Variants in THSD1 observed in about 807,000 individuals in gnomAD.
The protein encoded by THSD1 is thrombospondin type-1 domain-containing protein 1.
THSD1 carries 34 observed loss-of-function variants against 46.3 expected under a neutral mutation model. The ratio of observed to expected loss-of-function variants is 0.74; its 90% CI spans 0.56 to 0.98. The LOEUF is 0.98. THSD1 is among the 50% of genes least tolerant of loss of function. THSD1 has a pLI of 0.00. For missense variants in THSD1, 1,023 were observed against 1,058.3 expected (o/e 0.97, Z 0.46); for synonymous variants, 407 against 416.5 (o/e 0.98, Z 0.28).
At chr13:52,394,660 C>G (rs1250577660) in intron 3 of THSD1, among the ~76,000 whole-genome samples, 1 of 151,898 alleles carries the variant, frequency 6.6e-6, no homozygotes, top group Non-Finnish European at 1.5e-5. Flanking sequence ...TTCTTTCAAC[C>G]TAATTGTTTT....
At chr13:52,394,984 A>C (rs1957801048) in intron 3 of THSD1, among the ~76,000 whole-genome samples, 1 of 152,170 alleles carries the variant, frequency 6.6e-6, no homozygotes, top group African/African-American at 2.4e-5. Flanking sequence ...AGAGTAACCC[A>C]AGTGGAGACT....
In THSD1 at chr13:52,397,661, G is replaced by A; in HGVS notation, c.592C>T (p.Gln198Ter). Residue 198 changes from glutamine to a stop codon, truncating the protein, a stop_gained, in exon 3 of 5, where the codon CAA becomes TAA. Coordinates refer to ENST00000258613, the MANE Select transcript of THSD1 (RefSeq NM_018676.4). LOFTEE classifies it high-confidence loss of function. ...IRTSKRTELA[Q>*]GQWVEFGCAP... is the part of the protein sequence containing the mutation. Reference sequence around the variant, plus strand: ...CAGCCAAACTCAACCCACTGACCTTGAGCAAGTTCTGTCCTTTTGCTGGTT... The same window carrying A: ...CAGCCAAACTCAACCCACTGACCTTAAGCAAGTTCTGTCCTTTTGCTGGTT... 1.9e-6 allele frequency: 3 copies of A among 1,614,208 alleles called. No individual in the cohort carries two copies. The highest frequency in any genetic ancestry group is 2.5e-6 in the Non-Finnish European group (3 of 1,180,046).
At chr13:52,380,250 C>G (rs1303166433) in intron 4 of THSD1, among the ~76,000 whole-genome samples, 2 of 152,136 alleles carry the variant, frequency 1.3e-5, no homozygotes, top group African/African-American at 4.8e-5. Context: ...CTCTCTTTCC[C>G]CTTTGGTCAC....
chr13:52,387,747 T>C (rs909754736), intron 3 of THSD1, among the ~76,000 whole-genome samples: 1 of 151,882 alleles, frequency 6.6e-6, no homozygotes, highest in African/African-American at 2.4e-5. Flanking sequence ...TGAATACAAG[T>C]AAATAGAAAT....
intron 4 of THSD1, 110 bp downstream of exon 4, chr13:52,385,915 TTAA>T (rs1957727086): frequency 3.2e-6 from 3 of 928,822 alleles, no homozygotes; most frequent in African/African-American, 3.3e-5. Flanking sequence ...TCACAGAGCA[TTAA>T]TGAGTCTACT....
chr13:52,380,512 T>A (rs528520870), intron 4 of THSD1, among the ~76,000 whole-genome samples: 2 of 137,026 alleles, frequency 1.5e-5, no homozygotes, highest in African/African-American at 5.6e-5. Context: ...TTTCTTTTCC[T>A]TTTTTTTTTT....
intron 2 of THSD1, among the ~76,000 whole-genome samples, chr13:52,401,362 C>T (rs967644840): frequency 6.7e-6 from 1 of 150,080 alleles, no homozygotes; most frequent in Non-Finnish European, 1.5e-5. Flanking sequence ...TGCAGTGGTG[C>T]GATCTCGGCT....
chr13:52,396,765 C>A (rs9536060), intron 3 of THSD1, among the ~76,000 whole-genome samples: 2 of 152,038 alleles, frequency 1.3e-5, no homozygotes, highest in African/African-American at 4.8e-5. Context: ...TAAAAAGGCC[C>A]CATTCCTATA....
intron 4 of THSD1, among the ~76,000 whole-genome samples, chr13:52,385,633 T>C (rs142458445): frequency 3.2e-3 from 484 of 152,112 alleles, no homozygotes; most frequent in Non-Finnish European, 5.2e-3. Context: ...TCTGGGTTGA[T>C]AGGGAGAAAA....
intron 3 of THSD1, among the ~76,000 whole-genome samples, chr13:52,394,506 CA>C (rs1184803125): frequency 6.6e-6 from 1 of 151,712 alleles, no homozygotes; most frequent in African/African-American, 2.4e-5. Context: ...CCCAGCTACT[CA>C]GGAGGCTGAG....
chr13:52,379,152 G>A (rs1471295271), intron 4 of THSD1, among the ~76,000 whole-genome samples: 1 of 152,120 alleles, frequency 6.6e-6, no homozygotes, highest in Non-Finnish European at 1.5e-5. Context: ...GTTAGCCACT[G>A]TGCCCAGCCC....
At position 52,401,030 on chromosome 13, in the gene THSD1, A is replaced by G. The variant is rs1048999392; in HGVS notation, c.58+1513T>C. Among the ~76,000 whole-genome samples, 4 of 152,128 alleles carry G rather than the reference A, an allele frequency of 2.6e-5. No homozygotes were observed. In the East Asian group the frequency reaches 7.7e-4, roughly 29 times the overall value. The stretch of plus-strand genomic sequence containing the variant: ...GCTCTTGTTGCCCAGGCTGGAGTGC[A>G]GTGGCATGATCTCGGCTCACCACAA... On this transcript the variant is annotated intron_variant, in intron 2 of 4. Coordinates refer to ENST00000258613, the MANE Select transcript of THSD1 (RefSeq NM_018676.4).
rs1467488042 is a variant in THSD1 at position 52,384,453 on chromosome 13, CT to C, written c.1180+1574del. 2.0e-5 allele frequency: 9 copies of C among 455,778 alleles called. No individual in the cohort carries two copies. In the East Asian group the frequency reaches 6.3e-4, roughly 32 times the overall value. The allele number at this position is 455,778 out of a possible 1,614,324, so 28.2% of individuals were successfully genotyped here. On this transcript the variant is annotated intron_variant, in intron 4 of 4. Transcript: ENST00000258613. ...CAATGTGGAAATAAGAATATGCCTA[CT>C]TTATGTGTGCAAGGTCCTTAGAAAA...
At chr13:52,382,570 A>G (rs1426264099) in intron 4 of THSD1, among the ~76,000 whole-genome samples, 1 of 152,006 alleles carries the variant, frequency 6.6e-6, no homozygotes, top group Non-Finnish European at 1.5e-5. Context: ...TCATCCAGAC[A>G]CACTAAACTA....
chr13:52,404,295 T>C lies in THSD1; in HGVS notation c.-81-1614A>G, dbSNP rs535711864. Among the ~76,000 whole-genome samples the C allele has an allele frequency of 6.6e-5, 10 of 152,280 alleles. No individual in the cohort carries two copies. In the East Asian group the frequency reaches 7.7e-4, roughly 12 times the overall value. On this transcript the variant is annotated intron_variant, in intron 1 of 4. Coordinates refer to ENST00000258613, the MANE Select transcript of THSD1 (RefSeq NM_018676.4). Reference sequence around the variant, plus strand: ...AGTATATTATATTCCAAATACATGTTACATCTTTTCAGATAAGAGCACAAA... The same window carrying C: ...AGTATATTATATTCCAAATACATGTCACATCTTTTCAGATAAGAGCACAAA...
rs1017135989 is a variant in THSD1 at position 52,402,832 on chromosome 13, CTTATAA to C, written c.-81-157_-81-152del. On this transcript the variant is annotated intron_variant, in intron 1 of 4. Coordinates refer to ENST00000258613, the MANE Select transcript of THSD1 (RefSeq NM_018676.4). ...ACACTAATTTTCCCTGGGGCAATGACTTATAATTATACAAGCCTTTTTCATTCCATT... is the reference window on the plus strand; with the variant it reads ...ACACTAATTTTCCCTGGGGCAATGACTTATACAAGCCTTTTTCATTCCATT... The C allele has an allele frequency of 8.2e-6, 8 of 979,408 alleles. No individual in the cohort carries two copies. The African/African-American group carries it at 1.2e-4, about 15-fold the overall frequency. The allele number at this position is 979,408 out of a possible 1,614,324, so 60.7% of individuals were successfully genotyped here.
intron 4 of THSD1, among the ~76,000 whole-genome samples, chr13:52,385,224 A>G (rs1381257204): frequency 6.6e-6 from 1 of 152,192 alleles, no homozygotes; most frequent in Non-Finnish European, 1.5e-5. Context: ...TCCTTGACAC[A>G]AGGACTTTTA....
rs778605349 is a variant in THSD1 at position 52,377,664 on chromosome 13, C to G, written c.2306G>C (p.Ser769Thr). Residue 769 changes from serine to threonine, a missense_variant, in exon 5 of 5, where the codon AGT (serine) becomes ACT (threonine). Ser to Thr is a moderately conservative substitution (Grantham distance 58). Coordinates refer to ENST00000258613, the MANE Select transcript of THSD1 (RefSeq NM_018676.4). ...GGGAGAAGACTGCTTCCTTGAGACA[C>G]TCTTGTGACTGGGGGACGGTCCCCG... is the stretch of plus-strand genomic sequence containing the variant. The part of the protein sequence containing the change: ...ARRGPSPSHK[S>T]VSRKQSSPIS... 5.0e-6 allele frequency: 8 copies of G among 1,609,912 alleles called. No individual in the cohort carries two copies. In the African/African-American group the frequency reaches 9.4e-5, roughly 19 times the overall value.
rs1957821199 is a variant in THSD1, at chr13:52,397,560, T to C, written c.693A>G (p.Thr231=). Residue 231 remains threonine, a synonymous_variant, in exon 3 of 5, where the codon ACA becomes ACG. Coordinates refer to ENST00000258613, the MANE Select transcript of THSD1 (RefSeq NM_018676.4). ...ATTTCTGGGCCAGGTCAATGGGTCC[T>C]GTGGAGGTAATGACTGAGTCTCGCC... is the stretch of plus-strand genomic sequence containing the variant. ...LLGRDSVITS[T]GPIDLAQKFG... is the part of the protein sequence containing the mutation. 9 of 1,614,078 alleles carry C rather than the reference T, an allele frequency of 5.6e-6. No individual in the cohort carries two copies. Among genetic ancestry groups the C allele is most frequent in the Non-Finnish European group, 7.6e-6 (9 of 1,180,046 alleles).
Sources: gnomAD v4.1 joint callset for allele counts (sites outside exome capture counted in the v4.1 genomes callset) on GRCh38, gnomAD v4.1.1 for gene constraint, MANE v1.5 for transcripts, NCBI Gene and HGNC (gene_info 2026-07-23, HGNC 2026-07-21) for gene names.